DTL: variants seen among roughly 807,000 people sequenced by gnomAD.
The protein encoded by DTL is denticleless E3 ubiquitin protein ligase adapter, also known as denticleless protein homolog.
Under a neutral mutation model 87.0 loss-of-function variants are expected in DTL, and 46 were observed. The ratio of observed to expected loss-of-function variants is 0.53; its 90% CI spans 0.42 to 0.68. DTL has a LOEUF of 0.68. DTL is among the 30% of genes least tolerant of loss of function. DTL has a pLI of 0.00. For synonymous variants in DTL, 308 were observed against 311.2 expected (o/e 0.99, Z 0.11); for missense variants, 737 against 869.4 (o/e 0.85, Z 1.91).
chr1:212,103,289 T>C lies in DTL; in HGVS notation c.*349T>C. On this transcript the variant is annotated 3_prime_UTR_variant, in exon 15 of 15. Transcript: ENST00000366991. ...GCAAAAAACAAGTTTCTTGTTATCC[T>C]GAAACTTTCTATGCTCAGTGGAAAG... The C allele has an allele frequency of 6.4e-6, 1 of 157,252 alleles. No individual in the cohort carries two copies. The highest frequency in any genetic ancestry group is 1.9e-4 in the East Asian group (1 of 5,326). 9.7% of individuals were successfully genotyped at this position (157,252 alleles called of 1,614,324 possible). A position where few individuals can be genotyped will look rare whatever the true frequency, so the allele number is the denominator to read the frequency against.
intron 13 of DTL, among the ~76,000 whole-genome samples, chr1:212,083,024 A>G (rs549547262): frequency 1.3e-5 from 2 of 152,340 alleles, no homozygotes; most frequent in East Asian, 3.9e-4. Context: ...GATTATGACT[A>G]TAAGATATAA....
In DTL at chr1:212,068,236, A is replaced by T. The variant is rs1345575283; in HGVS notation, c.726A>T (p.Val242=). 1.2e-6 allele frequency: 2 copies of T among 1,603,978 alleles called. No homozygotes were observed. The highest frequency in any genetic ancestry group is 2.7e-5 in the African/African-American group (2 of 74,372). The part of the protein sequence containing the change: ...SAGAVDGIIK[V]WDLRKNYTAY... ...CCTTGGTTTTTAGGATAATCAAAGT[A>T]TGGGATTTACGTAAGAATTATACTG... is the stretch of plus-strand genomic sequence containing the variant. The change falls in exon 9 of 15, where the codon GTA becomes GTT. Residue 242 remains valine, a synonymous_variant. Coordinates refer to ENST00000366991, the MANE Select transcript of DTL (RefSeq NM_016448.4).
intron 13 of DTL, among the ~76,000 whole-genome samples, chr1:212,087,764 T>C (rs1655172885): frequency 6.6e-6 from 1 of 152,138 alleles, no homozygotes; most frequent in African/African-American, 2.4e-5. Flanking sequence ...TCTAATCACA[T>C]TGCCATCTTG....
At chr1:212,054,354 T>TG (rs1168051448) in intron 5 of DTL, among the ~76,000 whole-genome samples, 6 of 150,752 alleles carry the variant, frequency 4.0e-5, no homozygotes, top group African/African-American at 1.5e-4. Flanking sequence ...GCATTTTAGC[T>TG]GCCTGGTATT....
rs186204685 is a variant in DTL at position 212,066,850 on chromosome 1, C to T, written c.678C>T (p.Asp226=). 5.9e-5 allele frequency: 96 copies of T among 1,613,912 alleles called. No individual in the cohort carries two copies. The highest frequency in any genetic ancestry group is 7.6e-5 in the Non-Finnish European group (90 of 1,179,852). ...GTGTTACTGTGGTCCTCTTTCAAGA[C>T]GAGAATACCTTAGTCTCAGCAGGAG... The part of the protein sequence containing the change: ...QQSVTVVLFQ[D]ENTLVSAGAV... Residue 226 remains aspartate, a synonymous_variant, in exon 8 of 15, where the codon GAC becomes GAT. Coordinates refer to ENST00000366991, the MANE Select transcript of DTL (RefSeq NM_016448.4).
intron 3 of DTL, among the ~76,000 whole-genome samples, chr1:212,046,660 T>C (rs1395410095): frequency 2.0e-5 from 3 of 152,246 alleles, no homozygotes; most frequent in African/African-American, 7.2e-5. Flanking sequence ...ACAGTGTATA[T>C]GTACCACATT....
intron 13 of DTL, among the ~76,000 whole-genome samples, chr1:212,098,804 C>A (rs1182475081): frequency 6.6e-6 from 1 of 152,094 alleles, no homozygotes; most frequent in East Asian, 1.9e-4. Flanking sequence ...GGGTGGAGAT[C>A]TTGCCCTAGA....
At position 212,044,739 on chromosome 1, in the gene DTL, C is replaced by T. The variant is rs906918593; in HGVS notation, c.258C>T (p.Phe86=). The T allele has an allele frequency of 2.5e-6, 4 of 1,611,738 alleles. No individual in the cohort carries two copies. The highest frequency in any genetic ancestry group is 1.7e-5 in the Admixed American group (1 of 59,890). The change falls in exon 3 of 15, where the codon TTC becomes TTT. Residue 86 remains phenylalanine (F), a synonymous_variant. Coordinates refer to ENST00000366991, the MANE Select transcript of DTL (RefSeq NM_016448.4). ...VRLYNTESQS[F]RKKCFKEWMA... Reference sequence around the variant, plus strand: ...TGTATAACACAGAATCACAAAGTTTCAGAAAGAAGTGCTTCAAAGGTAAGT... The same window carrying T: ...TGTATAACACAGAATCACAAAGTTTTAGAAAGAAGTGCTTCAAAGGTAAGT...
At chr1:212,072,760 C>CTTTTTTTTTTTTTTTTTTTTTT (rs368207666) in intron 11 of DTL, among the ~76,000 whole-genome samples, 3 of 124,770 alleles carry the variant, frequency 2.4e-5, no homozygotes, top group Non-Finnish European at 5.0e-5. Context: ...ATTTACTAAT[C>CTTTTTTTTTTTTTTTTTTTTTT]TTTTTTTTTT....
rs1654888038 is a variant in DTL, at chr1:212,078,157, T to C, written c.1036-16T>C. The C allele has an allele frequency of 6.6e-7, 1 of 1,522,390 alleles. No individual in the cohort carries two copies. The highest frequency in any genetic ancestry group is 9.1e-7 in the Non-Finnish European group (1 of 1,098,244). 94.3% of individuals were successfully genotyped at this position (1,522,390 alleles called of 1,614,324 possible). A position where few individuals can be genotyped will look rare whatever the true frequency, so the allele number is the denominator to read the frequency against. ...TAATATTGCTTTGCTGACTTGTTTG[T>C]TTTTGATTGGACTAGGTCTCCACAC... On this transcript the variant is annotated splice_polypyrimidine_tract_variant and intron_variant, in intron 11 of 14. Coordinates refer to ENST00000366991, the MANE Select transcript of DTL (RefSeq NM_016448.4).
In DTL at chr1:212,100,731, GT is replaced by G; in HGVS notation, c.1743del (p.Glu582LysfsTer22). On this transcript the variant is annotated frameshift_variant, in exon 14 of 15. Coordinates refer to ENST00000366991, the MANE Select transcript of DTL (RefSeq NM_016448.4). LOFTEE classifies it high-confidence loss of function. Reference sequence around the variant, plus strand: ...CTGTGTGACTGAGCTTGATGGCCAAGTTGAAAATCTTCATTTGGATCTGTGC... The same window carrying G: ...CTGTGTGACTGAGCTTGATGGCCAAGTGAAAATCTTCATTTGGATCTGTGC... ...CNCVTELDGQ[V>X]ENLHLDLCCL... 6.2e-7 allele frequency: 1 copy of G among 1,614,168 alleles called. No individual in the cohort carries two copies. The highest frequency in any genetic ancestry group is 8.5e-7 in the Non-Finnish European group (1 of 1,180,046).
In DTL at chr1:212,080,550, G is replaced by GT. The variant is rs1276653319; in HGVS notation, c.1126-59dup. The GT allele has an allele frequency of 5.9e-6, 9 of 1,528,668 alleles. No individual in the cohort carries two copies. In the Admixed American group the frequency reaches 1.5e-4, roughly 26 times the overall value. 94.7% of individuals were successfully genotyped at this position (1,528,668 alleles called of 1,614,324 possible). A position where few individuals can be genotyped will look rare whatever the true frequency, so the allele number is the denominator to read the frequency against. The stretch of plus-strand genomic sequence containing the variant: ...AGTCACAAGGCCTTAAGACACACCT[G>GT]TTTTTTAATGTATTTTGAATCTTGA... On this transcript the variant is annotated intron_variant, in intron 12 of 14. Transcript: ENST00000366991.
intron 13 of DTL, among the ~76,000 whole-genome samples, chr1:212,084,909 C>T (rs1655085024): frequency 6.6e-6 from 1 of 152,142 alleles, no homozygotes; most frequent in Non-Finnish European, 1.5e-5. Flanking sequence ...TACCAAAGTC[C>T]ACAGAAGCTC....
chr1:212,077,923 A>G (rs1256915803), intron 11 of DTL, among the ~76,000 whole-genome samples: 1 of 152,142 alleles, frequency 6.6e-6, no homozygotes, highest in Non-Finnish European at 1.5e-5. Context: ...AATAAGGACT[A>G]TCCTTGTGTG....
In DTL at chr1:212,047,336, G is replaced by A. The variant is rs1368751494; in HGVS notation, c.379G>A (p.Val127Ile). The A allele has an allele frequency of 2.0e-5, 33 of 1,614,084 alleles. No homozygotes were observed. The highest frequency in any genetic ancestry group is 3.3e-5 in the South Asian group (3 of 91,086). Residue 127 changes from valine (V) to isoleucine (I), a missense_variant, in exon 5 of 15, where the codon GTA becomes ATA. Coordinates refer to ENST00000366991, the MANE Select transcript of DTL (RefSeq NM_016448.4). ...AGDQTAKFWD[V>I]KAGELIGTCK... ...TGATCAAACAGCCAAATTTTGGGAC[G>A]TAAAAGCTGGTGAGCTGATTGGAAC...
chr1:212,081,085 A>G lies in DTL; in HGVS notation c.1261+335A>G, dbSNP rs543116272. On this transcript the variant is annotated intron_variant, in intron 13 of 14. Coordinates refer to ENST00000366991, the MANE Select transcript of DTL (RefSeq NM_016448.4). Reference sequence around the variant, plus strand: ...CTAACATATTAGTGTGAGAGGCAATAAACAAGATAAAAAAGTAAAATATAT... The same window carrying G: ...CTAACATATTAGTGTGAGAGGCAATGAACAAGATAAAAAAGTAAAATATAT... Among the ~76,000 whole-genome samples, 6 of 152,318 alleles carry G rather than the reference A, an allele frequency of 3.9e-5. No individual in the cohort carries two copies. The South Asian group carries it at 1.2e-3, about 32-fold the overall frequency.
chr1:212,036,710 T>A (rs1667477322), intron 1 of DTL, among the ~76,000 whole-genome samples: 1 of 152,254 alleles, frequency 6.6e-6, no homozygotes, highest in African/African-American at 2.4e-5. Context: ...ATAAGAGATT[T>A]GAGGTTAGAT....
At position 212,044,773 on chromosome 1, in the gene DTL, A is replaced by G. The variant is rs1163204853; in HGVS notation, c.277+15A>G. On this transcript the variant is annotated intron_variant, in intron 3 of 14. Transcript: ENST00000366991. ...GTGCTTCAAAGGTAAGTCTAGGTCT[A>G]CAATTTTTGTTTTAACATTTAAAAA... The G allele has an allele frequency of 2.0e-6, 3 of 1,534,964 alleles. No homozygotes were observed. Among genetic ancestry groups the G allele is most frequent in the East Asian group, 4.5e-5 (2 of 44,506 alleles).
Position 212,047,186 on chromosome 1 carries a change from G to T in DTL, c.313G>T (p.Ala105Ser), listed in dbSNP as rs746902125. 2 of 1,614,122 alleles carry T rather than the reference G, an allele frequency of 1.2e-6. No individual in the cohort carries two copies. Among genetic ancestry groups the T allele is most frequent in the Non-Finnish European group, 1.7e-6 (2 of 1,180,004 alleles). The part of the protein sequence containing the change: ...MAHWNAVFDL[A>S]WVPGELKLVT... ...TCACTGGAATGCCGTCTTTGACCTG[G>T]CCTGGGTTCCTGGTGAACTTAAACT... The change falls in exon 4 of 15, where the codon GCC becomes TCC. Residue 105 changes from alanine to serine, a missense_variant. By Grantham distance (99) the Ala-to-Ser change is moderately conservative. Transcript: ENST00000366991.
Sources: gnomAD v4.1 joint callset for allele counts (sites outside exome capture counted in the v4.1 genomes callset) on GRCh38, gnomAD v4.1.1 for gene constraint, MANE v1.5 for transcripts, NCBI Gene and HGNC (gene_info 2026-07-23, HGNC 2026-07-21) for gene names.